The following SGCD variants were observed in gnomAD, a reference collection of about 807,000 sequenced individuals.
SGCD encodes sarcoglycan delta, also known as delta-sarcoglycan.
SGCD carries 18 observed loss-of-function variants against 36.6 expected under a neutral mutation model. That is an observed-to-expected ratio of 0.49 (90% confidence interval 0.34 to 0.73). The LOEUF is 0.73. Among genes scored for constraint, SGCD ranks in the 30% least tolerant of loss-of-function variants. The probability of loss-of-function intolerance (pLI) is 0.01; values close to 1 mark genes in which losing one functional copy is unlikely to be tolerated. For missense variants in SGCD, 387 were observed against 346.7 expected, an observed-to-expected ratio of 1.12 and a Z score of -0.92; for synonymous variants, 133 against 130.6, an observed-to-expected ratio of 1.02 and a Z score of -0.12.
chr5:156,091,746 C>G (rs1252846584), intron 1 of SGCD, among the ~76,000 whole-genome samples: 1 of 152,186 alleles, frequency 6.6e-6, no homozygotes, highest in African/African-American at 2.4e-5. Flanking sequence ...TGGTATTCGC[C>G]CATTCACCCT....
chr5:155,947,293 TTGTGTGTGTGTG>T (rs56192140), intron 1 of SGCD, among the ~76,000 whole-genome samples: 2,829 of 138,898 alleles, frequency 0.02, 54 homozygotes, highest in South Asian at 0.05. Context: ...ATAAATACTC[TTGTGTGTGTGTG>T]TGTGTGTGTG....
intron 3 of SGCD, among the ~76,000 whole-genome samples, chr5:156,374,662 CTT>C (rs34441102): frequency 8.2e-5 from 11 of 134,502 alleles, no homozygotes; most frequent in Non-Finnish European, 7.8e-5. Flanking sequence ...GCAACCCTGT[CTT>C]TTTTTTTTTT....
chr5:156,059,851 T>C (rs1250283529), intron 1 of SGCD, among the ~76,000 whole-genome samples: 1 of 146,820 alleles, frequency 6.8e-6, no homozygotes, highest in Non-Finnish European at 1.5e-5. Context: ...TGTGAACTAT[T>C]TCCCAGTTTG....
intron 3 of SGCD, among the ~76,000 whole-genome samples, chr5:156,283,654 G>C (rs989394648): frequency 6.6e-6 from 1 of 152,138 alleles, no homozygotes; most frequent in Non-Finnish European, 1.5e-5. Flanking sequence ...TCCTAACTTA[G>C]TAGTTCTCAA....
intron 4 of SGCD, among the ~76,000 whole-genome samples, chr5:156,553,706 T>C (rs987192570): frequency 1.3e-5 from 2 of 152,188 alleles, no homozygotes; most frequent in Non-Finnish European, 2.9e-5. Flanking sequence ...TGGAATTACA[T>C]AGTACATGAC....
intron 1 of SGCD, among the ~76,000 whole-genome samples, chr5:156,085,476 T>G (rs550121144): frequency 6.6e-6 from 1 of 152,266 alleles, no homozygotes; most frequent in African/African-American, 2.4e-5. Context: ...CTTTCTGCTG[T>G]GAGTAAAAGC....
chr5:156,164,463 G>A (rs889509282), intron 3 of SGCD, among the ~76,000 whole-genome samples: 1 of 151,176 alleles, frequency 6.6e-6, no homozygotes, highest in African/African-American at 2.5e-5. Context: ...TCATGAAATG[G>A]CAGTGAACCT....
intron 3 of SGCD, among the ~76,000 whole-genome samples, chr5:156,498,995 C>T (rs1756329153): frequency 6.6e-6 from 1 of 150,512 alleles, no homozygotes; most frequent in African/African-American, 2.4e-5. Flanking sequence ...TTGGAAACTC[C>T]CAAAAGGAAG....
chr5:156,692,685 C>G (rs370067622), intron 7 of SGCD, among the ~76,000 whole-genome samples: 2 of 152,024 alleles, frequency 1.3e-5, no homozygotes, highest in African/African-American at 2.4e-5. Flanking sequence ...GCCTAACGTG[C>G]CTTGGTTGTT....
At chr5:156,550,792 T>G (rs1397088607) in intron 4 of SGCD, among the ~76,000 whole-genome samples, 2 of 152,202 alleles carry the variant, frequency 1.3e-5, no homozygotes, top group Non-Finnish European at 2.9e-5. Context: ...AGAAAGTCAT[T>G]TATTAGCTAC....
chr5:156,683,823 T>C (rs1235550766), intron 7 of SGCD, among the ~76,000 whole-genome samples: 11 of 152,198 alleles, frequency 7.2e-5, no homozygotes, highest in Admixed American at 5.9e-4. Flanking sequence ...AAGGCCTCTA[T>C]GATATTTGGT....
intron 3 of SGCD, among the ~76,000 whole-genome samples, chr5:156,124,329 G>A (rs1029708180): frequency 6.6e-6 from 1 of 152,110 alleles, no homozygotes; most frequent in African/African-American, 2.4e-5. Context: ...AAGAGAAATG[G>A]GGGTAGATAC....
At chr5:156,745,015 C>T (rs1171886764) in intron 7 of SGCD, among the ~76,000 whole-genome samples, 8 of 152,120 alleles carry the variant, frequency 5.3e-5, no homozygotes, top group African/African-American at 1.9e-4. Flanking sequence ...ATCATTGAGG[C>T]CCCTTTAACG....
At chr5:156,448,730 T>C (rs1362801948) in intron 3 of SGCD, among the ~76,000 whole-genome samples, 3 of 140,468 alleles carry the variant, frequency 2.1e-5, no homozygotes, top group African/African-American at 8.3e-5. Flanking sequence ...TTTTTCTTTT[T>C]CTTTTTTTTT....
intron 1 of SGCD, among the ~76,000 whole-genome samples, chr5:156,012,539 G>A (rs1453580220): frequency 3.3e-5 from 5 of 152,050 alleles, no homozygotes; most frequent in Non-Finnish European, 5.9e-5. Context: ...GGATATAAAT[G>A]TATTCAGACA....
At chr5:156,082,909 C>T (rs957455667) in intron 1 of SGCD, among the ~76,000 whole-genome samples, 3 of 151,996 alleles carry the variant, frequency 2.0e-5, no homozygotes, top group East Asian at 3.9e-4. Flanking sequence ...TCTTTGTCAT[C>T]CTTGCTAGCA....
chr5:156,185,997 C>T (rs559083189), intron 3 of SGCD, among the ~76,000 whole-genome samples: 33 of 148,544 alleles, frequency 2.2e-4, no homozygotes, highest in East Asian at 9.8e-4. Flanking sequence ...ATCGGAATAA[C>T]GAAATATGGT....
intron 3 of SGCD, among the ~76,000 whole-genome samples, chr5:156,287,414 G>T (rs1228299303): frequency 6.6e-6 from 1 of 152,038 alleles, no homozygotes; most frequent in East Asian, 1.9e-4. Context: ...GCCTAGAAAG[G>T]CGCATGAAAC....
the SGCD span, among the ~76,000 whole-genome samples, chr5:155,859,985 T>G: frequency 1.3e-5 from 2 of 152,160 alleles, no homozygotes; most frequent in Non-Finnish European, 2.9e-5. Context: ...AATTTGCAAA[T>G]CTTCTTGTCC....
Sources: gnomAD v4.1 joint callset for allele counts (sites outside exome capture counted in the v4.1 genomes callset) on GRCh38, gnomAD v4.1.1 for gene constraint, MANE v1.5 for transcripts, NCBI Gene and HGNC (gene_info 2026-07-23, HGNC 2026-07-21) for gene names.